Variants in GSG1L observed in about 807,000 individuals in gnomAD.
The protein encoded by GSG1L is germ cell-specific gene 1-like protein.
Under a neutral mutation model 42.1 loss-of-function variants are expected in GSG1L, and 24 were observed. That is an observed-to-expected ratio of 0.57 (90% confidence interval 0.41 to 0.80). The LOEUF (loss-of-function observed/expected upper bound fraction) is 0.80. Among genes scored for constraint, GSG1L ranks in the 30% least tolerant of loss-of-function variants. GSG1L has a pLI of 0.00. For missense variants in GSG1L, 445 were observed against 472.2 expected (o/e 0.94, Z 0.53); for synonymous variants, 215 against 203.5 (o/e 1.06, Z -0.48).
At chr16:27,972,022 T>TA (rs987767973) in intron 1 of GSG1L, among the ~76,000 whole-genome samples, 2 of 152,218 alleles carry the variant, frequency 1.3e-5, no homozygotes, top group Admixed American at 1.3e-4. Flanking sequence ...CACCACATCC[T>TA]AAAATCTTCC....
intron 5 of GSG1L, among the ~76,000 whole-genome samples, chr16:27,814,919 T>G (rs1279803021): frequency 1.3e-5 from 2 of 152,008 alleles, no homozygotes; most frequent in Non-Finnish European, 2.9e-5. Context: ...TCTGAAGACA[T>G]GAAGACAGAT....
At chr16:27,932,695 C>G (rs1453462296) in intron 2 of GSG1L, among the ~76,000 whole-genome samples, 1 of 152,110 alleles carries the variant, frequency 6.6e-6, no homozygotes, top group East Asian at 1.9e-4. Context: ...CAAACCATAT[C>G]ACCCATCCTA....
chr16:27,870,683 GTCC>G (rs1336464074), intron 3 of GSG1L, among the ~76,000 whole-genome samples: 1 of 151,464 alleles, frequency 6.6e-6, no homozygotes, highest in Non-Finnish European at 1.5e-5. Context: ...ATGCACCACT[GTCC>G]TCCTTCAATG....
intron 6 of GSG1L, among the ~76,000 whole-genome samples, chr16:27,803,766 CATATATATATATATATATATATAT>C (rs3047681): frequency 1.7e-5 from 2 of 117,912 alleles, no homozygotes; most frequent in African/African-American, 6.4e-5. Flanking sequence ...ACAGTGCAGA[CATATATATATATATATATATATAT>C]ATATAGATAG....
chr16:27,829,553 C>A (rs979462777), intron 4 of GSG1L, among the ~76,000 whole-genome samples: 1 of 152,144 alleles, frequency 6.6e-6, no homozygotes, highest in Non-Finnish European at 1.5e-5. Flanking sequence ...TTCCTCATGA[C>A]TATTTGTTTT....
intron 6 of GSG1L, among the ~76,000 whole-genome samples, chr16:27,796,214 C>T (rs2082816260): frequency 1.3e-5 from 2 of 152,204 alleles, no homozygotes; most frequent in South Asian, 4.1e-4. Flanking sequence ...GAAAGCCTCT[C>T]TCTATAGGAC....
intron 3 of GSG1L, among the ~76,000 whole-genome samples, chr16:27,857,347 G>A (rs1029930466): frequency 4.0e-5 from 6 of 150,288 alleles, no homozygotes; most frequent in Admixed American, 1.3e-4. Context: ...GGAATCTCTT[G>A]AACCCAGGAG....
At chr16:27,968,166 A>G (rs980672506) in intron 1 of GSG1L, among the ~76,000 whole-genome samples, 1 of 152,162 alleles carries the variant, frequency 6.6e-6, no homozygotes, top group Non-Finnish European at 1.5e-5. Flanking sequence ...AAAGATGAAT[A>G]TATTAAGTAT....
intron 3 of GSG1L, among the ~76,000 whole-genome samples, chr16:27,878,236 AC>A (rs1467276570): frequency 1.3e-5 from 2 of 152,086 alleles, no homozygotes; most frequent in Admixed American, 1.3e-4. Flanking sequence ...CATACCCAAG[AC>A]TGGGTAATTT....
intron 5 of GSG1L, among the ~76,000 whole-genome samples, chr16:27,823,401 C>T (rs2083170706): frequency 6.6e-6 from 1 of 152,158 alleles, no homozygotes; most frequent in Non-Finnish European, 1.5e-5. Flanking sequence ...TCAAATCTGC[C>T]CAACTGCTCC....
rs112230144 is a variant in GSG1L at position 27,796,911 on chromosome 16, C to T, written c.899-5444G>A. Reference sequence around the variant, plus strand: ...CCACACTGGCTGCTGGGTTTACAGACGTGAGTGAGATGCGGCCCTCCCCCC... The same window carrying T: ...CCACACTGGCTGCTGGGTTTACAGATGTGAGTGAGATGCGGCCCTCCCCCC... On this transcript the variant is annotated intron_variant, in intron 6 of 6. Transcript: ENST00000447459. Among the ~76,000 whole-genome samples the T allele has an allele frequency of 1.4e-4, 21 of 152,204 alleles. 1 individual carries two copies. The highest frequency in any genetic ancestry group is 4.2e-4 in the South Asian group (2 of 4,812).
At chr16:27,927,331 G>A (rs1160460281) in intron 2 of GSG1L, among the ~76,000 whole-genome samples, 1 of 152,014 alleles carries the variant, frequency 6.6e-6, no homozygotes, top group African/African-American at 2.4e-5. Flanking sequence ...TAGAGATGGG[G>A]TCTCACGGTG....
chr16:27,843,766 T>C (rs1262362928), intron 4 of GSG1L, among the ~76,000 whole-genome samples: 2 of 152,290 alleles, frequency 1.3e-5, no homozygotes, highest in South Asian at 2.1e-4. Context: ...TTTTGACTCA[T>C]TCTTTGCTCC....
intron 3 of GSG1L, among the ~76,000 whole-genome samples, chr16:27,876,579 C>CT (rs1401049873): frequency 2.3e-4 from 35 of 152,220 alleles, no homozygotes; most frequent in African/African-American, 7.5e-4. Context: ...CACATGCTGC[C>CT]TGGCTCCTGG....
At chr16:28,035,924 TTG>T (rs2086030023) in intron 1 of GSG1L, among the ~76,000 whole-genome samples, 1 of 152,218 alleles carries the variant, frequency 6.6e-6, no homozygotes, top group South Asian at 2.1e-4. Context: ...TGGGATTCAT[TTG>T]GATCAGCAAA....
intron 3 of GSG1L, among the ~76,000 whole-genome samples, chr16:27,850,320 C>T (rs748977644): frequency 1.3e-5 from 2 of 152,058 alleles, no homozygotes; most frequent in East Asian, 3.9e-4. Context: ...AGCCACCGTG[C>T]CGGCCTTGAA....
At chr16:27,798,146 C>A (rs1252907112) in intron 6 of GSG1L, among the ~76,000 whole-genome samples, 4 of 152,136 alleles carry the variant, frequency 2.6e-5, no homozygotes, top group Non-Finnish European at 5.9e-5. Flanking sequence ...ATCCATGTAA[C>A]AAACCTGCAC....
chr16:27,792,333 C>T (rs949885898), intron 6 of GSG1L, among the ~76,000 whole-genome samples: 6 of 152,058 alleles, frequency 3.9e-5, no homozygotes, highest in African/African-American at 7.2e-5. Flanking sequence ...CTCTGGGCAC[C>T]GAGGCAGGGG....
At chr16:27,935,328 G>C (rs1337043677) in intron 2 of GSG1L, among the ~76,000 whole-genome samples, 1 of 151,940 alleles carries the variant, frequency 6.6e-6, no homozygotes, top group African/African-American at 2.4e-5. Flanking sequence ...ATGGGGGAAT[G>C]GGGGGCTTCA....
Sources: allele counts gnomAD v4.1 joint callset (sites outside exome capture counted in the v4.1 genomes callset), GRCh38; gene constraint gnomAD v4.1.1; transcripts MANE v1.5; gene names NCBI Gene and HGNC (gene_info 2026-07-23, HGNC 2026-07-21).